Variants in CSMD1 observed in about 807,000 individuals in gnomAD.
CSMD1 encodes CUB and sushi domain-containing protein 1.
A neutral mutation model predicts 417.5 loss-of-function variants in CSMD1; 213 were observed. The observed-to-expected ratio is 0.51, with a 90% confidence interval of 0.46 to 0.57. CSMD1 has a LOEUF of 0.57. Ranked by LOEUF, CSMD1 falls within the 20% of genes least tolerant of loss-of-function variation. The pLI is 0.00. For synonymous variants in CSMD1, 2,862 were observed against 1,736.8 expected, an observed-to-expected ratio of 1.65 and a Z score of -16.11; for missense variants, 6,923 against 4,529.7, an observed-to-expected ratio of 1.53 and a Z score of -15.17.
At chr8:4,381,019 G>T (rs1036304540) in intron 3 of CSMD1, among the ~76,000 whole-genome samples, 2 of 152,084 alleles carry the variant, frequency 1.3e-5, no homozygotes, top group African/African-American at 4.8e-5. Flanking sequence ...CATTTCTCAG[G>T]GCAAATGGGA....
chr8:4,061,388 C>A (rs1187110970), intron 3 of CSMD1, among the ~76,000 whole-genome samples: 2 of 152,120 alleles, frequency 1.3e-5, no homozygotes, highest in Admixed American at 6.5e-5. Flanking sequence ...GAAGTAAGTG[C>A]ACAACAGATT....
At position 3,186,079 on chromosome 8, in the gene CSMD1, C is replaced by T. The variant is rs1821737975; in HGVS notation, c.5620+1790G>A. ...TGACTTTTTTCCCTCCTGTAACACC[C>T]ATCACCTACCTGTAATGCTGTCTAT... On this transcript the variant is annotated intron_variant, in intron 36 of 69. Coordinates refer to ENST00000635120, the MANE Select transcript of CSMD1 (RefSeq NM_033225.6). Among the ~76,000 whole-genome samples, 4 of 150,240 alleles carry T rather than the reference C, an allele frequency of 2.7e-5. No homozygotes were observed. In the South Asian group the frequency reaches 8.4e-4, roughly 31 times the overall value.
chr8:4,272,683 A>T (rs1804681243), intron 3 of CSMD1, among the ~76,000 whole-genome samples: 1 of 152,172 alleles, frequency 6.6e-6, no homozygotes, highest in Non-Finnish European at 1.5e-5. Flanking sequence ...ATGAACATAA[A>T]ATATATTTGG....
chr8:3,643,006 T>A (rs1227221266), intron 7 of CSMD1, among the ~76,000 whole-genome samples: 3 of 151,498 alleles, frequency 2.0e-5, no homozygotes, highest in Non-Finnish European at 4.4e-5. Flanking sequence ...AAAATAGATG[T>A]AAGAAATTTT....
At chr8:4,034,844 T>G (rs1431922221) in intron 3 of CSMD1, among the ~76,000 whole-genome samples, 4 of 152,196 alleles carry the variant, frequency 2.6e-5, no homozygotes, top group Non-Finnish European at 4.4e-5. Flanking sequence ...TCCAGATAAT[T>G]GTTCCCCAAA....
chr8:3,500,072 C>A (rs1382057648), intron 10 of CSMD1, among the ~76,000 whole-genome samples: 1 of 152,080 alleles, frequency 6.6e-6, no homozygotes. Context: ...CTCCCACTTA[C>A]CTTCTCCCTA....
intron 3 of CSMD1, among the ~76,000 whole-genome samples, chr8:4,067,416 A>T (rs987230388): frequency 6.6e-6 from 1 of 152,196 alleles, no homozygotes; most frequent in African/African-American, 2.4e-5. Context: ...AGACTAATGA[A>T]TATTTCCCAG....
intron 25 of CSMD1, among the ~76,000 whole-genome samples, chr8:3,292,405 C>T (rs1446093907): frequency 6.6e-6 from 1 of 152,108 alleles, no homozygotes; most frequent in Admixed American, 6.5e-5. Context: ...TCTCGTTGAT[C>T]TGTCTAATGT....
chr8:3,808,686 T>C (rs1337371265), intron 5 of CSMD1, among the ~76,000 whole-genome samples: 2 of 152,180 alleles, frequency 1.3e-5, no homozygotes, highest in South Asian at 4.1e-4. Flanking sequence ...TTTCTGAGGT[T>C]TGGCACTCTA....
chr8:4,731,213 C>T (rs1156713082), intron 1 of CSMD1, among the ~76,000 whole-genome samples: 1 of 152,192 alleles, frequency 6.6e-6, no homozygotes, highest in Non-Finnish European at 1.5e-5. Flanking sequence ...AAGCGAGAAT[C>T]AGTCCTTTCC....
Position 4,637,505 on chromosome 8 carries a change from C to T in CSMD1, c.139G>A (p.Gly47Arg), listed in dbSNP as rs1181692376. 3.1e-6 allele frequency: 5 copies of T among 1,613,806 alleles called. No individual in the cohort carries two copies. Among genetic ancestry groups the T allele is most frequent in the East Asian group, 4.5e-5 (2 of 44,880 alleles). ...QGPNGTIESP[G>R]FPHGYPNYAN... ...TAGTTCGGATACCCGTGAGGAAACCCTGGGCTCTCAATAGTGCCATTGGGA... is the reference window on the plus strand; with the variant it reads ...TAGTTCGGATACCCGTGAGGAAACCTTGGGCTCTCAATAGTGCCATTGGGA... Residue 47 changes from glycine to arginine, a missense_variant, in exon 2 of 70, where the codon GGG becomes AGG. Physicochemically the swap from Gly to Arg is moderately radical, Grantham distance 125 (BLOSUM62 -2). Coordinates refer to ENST00000635120, the MANE Select transcript of CSMD1 (RefSeq NM_033225.6).
intron 2 of CSMD1, among the ~76,000 whole-genome samples, chr8:4,554,045 C>A (rs1383970899): frequency 6.6e-6 from 1 of 152,170 alleles, no homozygotes; most frequent in African/African-American, 2.4e-5. Flanking sequence ...CACATTATAT[C>A]CCTGCTGTCT....
chr8:3,836,324 T>A (rs1000190633), intron 5 of CSMD1, among the ~76,000 whole-genome samples: 5 of 152,112 alleles, frequency 3.3e-5, no homozygotes, highest in East Asian at 1.9e-4. Flanking sequence ...CAGTTTTGGG[T>A]TTACTTGACA....
chr8:3,294,822 C>A (rs1245999249), intron 25 of CSMD1, among the ~76,000 whole-genome samples: 1 of 152,074 alleles, frequency 6.6e-6, no homozygotes, highest in African/African-American at 2.4e-5. Flanking sequence ...GTGGGCTGCA[C>A]CCATTGTCCT....
intron 2 of CSMD1, among the ~76,000 whole-genome samples, chr8:4,435,711 G>C (rs751221455): frequency 6.6e-6 from 1 of 152,090 alleles, no homozygotes; most frequent in Non-Finnish European, 1.5e-5. Flanking sequence ...CTCTGTGTGG[G>C]GCTGTGGCTG....
At chr8:2,970,597 A>C (rs192478897) in intron 57 of CSMD1, among the ~76,000 whole-genome samples, 42 of 151,648 alleles carry the variant, frequency 2.8e-4, no homozygotes, top group African/African-American at 9.6e-4. Flanking sequence ...AAATATTTTA[A>C]ATTTCAATTA....
At chr8:3,595,909 G>C (rs961312291) in intron 8 of CSMD1, among the ~76,000 whole-genome samples, 1 of 152,132 alleles carries the variant, frequency 6.6e-6, no homozygotes, top group Non-Finnish European at 1.5e-5. Context: ...ATCATGGCTT[G>C]GGAAGGAGCT....
At chr8:4,419,317 A>G (rs1305701707) in intron 3 of CSMD1, among the ~76,000 whole-genome samples, 1 of 152,166 alleles carries the variant, frequency 6.6e-6, no homozygotes, top group Non-Finnish European at 1.5e-5. Flanking sequence ...AACTAGTTCA[A>G]TTTCTTAAAA....
chr8:4,643,888 T>G (rs1436068674), intron 1 of CSMD1, among the ~76,000 whole-genome samples: 1 of 152,166 alleles, frequency 6.6e-6, no homozygotes, highest in African/African-American at 2.4e-5. Context: ...AGGAACACCA[T>G]GCCCTGTAGG....
Sources: allele counts gnomAD v4.1 joint callset (sites outside exome capture counted in the v4.1 genomes callset), GRCh38; gene constraint gnomAD v4.1.1; transcripts MANE v1.5; gene names NCBI Gene and HGNC (gene_info 2026-07-23, HGNC 2026-07-21).